The following RASGRF2 variants were observed in gnomAD, a reference collection of about 807,000 sequenced individuals.
The protein encoded by RASGRF2 is Ras protein specific guanine nucleotide releasing factor 2.
RASGRF2 carries 76 observed loss-of-function variants against 151.0 expected under a neutral mutation model. That is an observed-to-expected ratio of 0.50 (90% CI 0.42 to 0.61). RASGRF2 has a LOEUF of 0.61. Ranked by LOEUF, RASGRF2 falls within the 20% of genes least tolerant of loss-of-function variation. The probability of loss-of-function intolerance (pLI) is 0.00; values close to 1 mark genes in which losing one functional copy is unlikely to be tolerated. For synonymous variants in RASGRF2, 504 were observed against 566.5 expected (o/e 0.89, Z 1.57); for missense variants, 1,148 against 1,564.6 (o/e 0.73, Z 4.49).
chr5:81,073,522 A>C, intron 5 of RASGRF2, 70 bp downstream of exon 5: 4 of 1,480,966 alleles, frequency 2.7e-6, no homozygotes, highest in Non-Finnish European at 3.6e-6. Context: ...ATTTTTACTT[A>C]ATCTTTAAAA....
chr5:81,040,515 G>A (rs1296656403), intron 1 of RASGRF2, among the ~76,000 whole-genome samples: 8 of 152,220 alleles, frequency 5.3e-5, no homozygotes, highest in African/African-American at 1.7e-4. Context: ...GTGTATGGTA[G>A]AGATGGGGGA....
At chr5:81,186,839 G>A (rs562455125) in intron 18 of RASGRF2, among the ~76,000 whole-genome samples, 1 of 152,306 alleles carries the variant, frequency 6.6e-6, no homozygotes, top group African/African-American at 2.4e-5. Context: ...TTGGAGGTGT[G>A]AAGTTAGGGT....
intron 1 of RASGRF2, among the ~76,000 whole-genome samples, chr5:80,964,812 G>A (rs1426838990): frequency 3.3e-5 from 5 of 152,072 alleles, no homozygotes; most frequent in Non-Finnish European, 7.4e-5. Context: ...ATTACTTCAG[G>A]AATTCATTTA....
At chr5:81,206,928 C>G (rs1397321169) in intron 20 of RASGRF2, 23 bp downstream of exon 20, 4 of 1,546,712 alleles carry the variant, frequency 2.6e-6, no homozygotes, top group Non-Finnish European at 3.6e-6. Context: ...ACATTTTTAT[C>G]TAGCACAACT....
intron 1 of RASGRF2, among the ~76,000 whole-genome samples, chr5:81,022,408 AC>A (rs1390987433): frequency 6.6e-6 from 1 of 152,172 alleles, no homozygotes; most frequent in Non-Finnish European, 1.5e-5. Context: ...TTACTGATTT[AC>A]AGGATGTGGT....
rs139890403 is a variant in RASGRF2 at position 80,967,324 on chromosome 5, G to T, written c.288+6298G>T. Among the ~76,000 whole-genome samples the T allele has an allele frequency of 7.5e-3, 1,138 of 152,236 alleles. 29 individuals are homozygous for T. The highest frequency in any genetic ancestry group is 0.074 in the South Asian group (356 of 4,816). On this transcript the variant is annotated intron_variant, in intron 1 of 26. Transcript: ENST00000265080. ...AATCACTTGAACCTGGGAGGTGGAG[G>T]TTGCAGTTAGTCGAGATCACGCCAT...
chr5:81,222,870 C>T lies in RASGRF2; in HGVS notation c.3622-2808C>T, dbSNP rs150474627. Among the ~76,000 whole-genome samples the T allele has an allele frequency of 1.5e-4, 21 of 141,784 alleles. No individual in the cohort carries two copies. The East Asian group carries it at 1.6e-3, about 11-fold the overall frequency. The allele number at this position is 141,784 out of a possible 152,430, so 93.0% of individuals were successfully genotyped here. A position where few individuals can be genotyped will look rare whatever the true frequency, so the allele number is the denominator to read the frequency against. On this transcript the variant is annotated intron_variant, in intron 26 of 26. Transcript: ENST00000265080. ...AAGATTAAATACTATAATTCACAGA[C>T]GATTTGATTTAGAAAATCCAAGAGA...
intron 17 of RASGRF2, among the ~76,000 whole-genome samples, chr5:81,167,689 GTGGC>G (rs1166747430): frequency 6.6e-6 from 1 of 152,168 alleles, no homozygotes; most frequent in Non-Finnish European, 1.5e-5. Context: ...TCTCCTCTCT[GTGGC>G]TGCCTCCAGG....
chr5:81,203,244 C>G lies in RASGRF2; in HGVS notation c.2906+1802C>G, dbSNP rs1755436238. Among the ~76,000 whole-genome samples the G allele has an allele frequency of 2.0e-5, 3 of 152,148 alleles. No homozygotes were observed. The South Asian group carries it at 6.2e-4, about 32-fold the overall frequency. On this transcript the variant is annotated intron_variant, in intron 19 of 26. Coordinates refer to ENST00000265080, the MANE Select transcript of RASGRF2 (RefSeq NM_006909.3). ...AACACTAATATTTAAAAACTAGATT[C>G]AGGAAGTTTGTGCCCCTAGGGATAT...
intron 12 of RASGRF2, among the ~76,000 whole-genome samples, chr5:81,104,970 G>T (rs1358042724): frequency 6.6e-6 from 1 of 152,014 alleles, no homozygotes; most frequent in Non-Finnish European, 1.5e-5. Context: ...CTCCTACTTT[G>T]AACCCTGCAG....
At chr5:80,992,074 T>C (rs1358731333) in intron 1 of RASGRF2, among the ~76,000 whole-genome samples, 1 of 151,980 alleles carries the variant, frequency 6.6e-6, no homozygotes. Context: ...GGCACCATGA[T>C]GTCTCCACCT....
At chr5:81,195,897 T>C (rs539249114) in intron 18 of RASGRF2, among the ~76,000 whole-genome samples, 26 of 152,286 alleles carry the variant, frequency 1.7e-4, no homozygotes, top group African/African-American at 6.0e-4. Flanking sequence ...GTGGCCGATA[T>C]GTGACGGGAG....
At chr5:81,047,276 A>C (rs1361951516) in intron 2 of RASGRF2, among the ~76,000 whole-genome samples, 2 of 152,234 alleles carry the variant, frequency 1.3e-5, no homozygotes, top group African/African-American at 4.8e-5. Flanking sequence ...TGAGAGAATG[A>C]GTATCCAGGG....
chr5:81,168,642 T>C (rs1754572091), intron 17 of RASGRF2, among the ~76,000 whole-genome samples: 1 of 152,164 alleles, frequency 6.6e-6, no homozygotes, highest in Admixed American at 6.5e-5. Context: ...TTTTACCAGC[T>C]ATGGCTCCCT....
At position 81,070,208 on chromosome 5, in the gene RASGRF2, C is replaced by T. The variant is rs960433480; in HGVS notation, c.544-284C>T. 6 of 355,618 alleles carry T rather than the reference C, an allele frequency of 1.7e-5. No individual in the cohort carries two copies. In the East Asian group the frequency reaches 3.5e-4, roughly 21 times the overall value. The allele number at this position is 355,618 out of a possible 1,614,324, so 22.0% of individuals were successfully genotyped here. On this transcript the variant is annotated intron_variant, in intron 3 of 26. Transcript: ENST00000265080. ...ACTCCTGACAAGGTCTTGGCGGGCT[C>T]ACCACTGGCAGCTGGGGCTGAGTTT...
intron 18 of RASGRF2, among the ~76,000 whole-genome samples, chr5:81,188,195 C>A (rs1168083374): frequency 1.3e-5 from 2 of 152,186 alleles, no homozygotes; most frequent in Non-Finnish European, 2.9e-5. Flanking sequence ...ACACTCCTGG[C>A]CTGGTCTCTG....
intron 17 of RASGRF2, among the ~76,000 whole-genome samples, chr5:81,141,981 T>A (rs1455794814): frequency 6.6e-6 from 1 of 152,236 alleles, no homozygotes; most frequent in Non-Finnish European, 1.5e-5. Context: ...CTGTCTACAG[T>A]CTCAGGATTT....
At chr5:81,199,386 C>G (rs1416576285) in intron 18 of RASGRF2, among the ~76,000 whole-genome samples, 1 of 152,214 alleles carries the variant, frequency 6.6e-6, no homozygotes, top group Non-Finnish European at 1.5e-5. Context: ...CATTAGTAGA[C>G]ATATGATGTT....
chr5:80,966,863 A>G (rs1374334555), intron 1 of RASGRF2, among the ~76,000 whole-genome samples: 1 of 152,200 alleles, frequency 6.6e-6, no homozygotes, highest in Non-Finnish European at 1.5e-5. Context: ...TTTTAGGGAG[A>G]AAGCAGGAAA....
Sources: allele counts gnomAD v4.1 joint callset (sites outside exome capture counted in the v4.1 genomes callset), GRCh38; gene constraint gnomAD v4.1.1; transcripts MANE v1.5; gene names NCBI Gene and HGNC (gene_info 2026-07-23, HGNC 2026-07-21).